The following CAMK2D variants were observed in gnomAD, a reference collection of about 807,000 sequenced individuals.
CAMK2D encodes the protein calcium/calmodulin dependent protein kinase II delta.
A neutral mutation model predicts 84.0 loss-of-function variants in CAMK2D; 37 were observed. The ratio of observed to expected loss-of-function variants is 0.44; its 90% CI spans 0.34 to 0.58. The LOEUF (loss-of-function observed/expected upper bound fraction) is 0.58, where lower values mean the gene tolerates loss of function less well. Ranked by LOEUF, CAMK2D falls within the 20% of genes least tolerant of loss-of-function variation. The pLI, the probability that CAMK2D is intolerant of heterozygous loss-of-function variation, is 0.02. For synonymous variants in CAMK2D, 202 were observed against 212.5 expected (o/e 0.95, Z 0.43); for missense variants, 448 against 652.5 (o/e 0.69, Z 3.41).
intron 4 of CAMK2D, among the ~76,000 whole-genome samples, chr4:113,603,504 G>A (rs913717703): frequency 2.0e-5 from 3 of 149,396 alleles, no homozygotes; most frequent in South Asian, 2.1e-4. Context: ...ACCAAACACC[G>A]CATATTCTCA....
intron 2 of CAMK2D, among the ~76,000 whole-genome samples, chr4:113,725,240 C>T (rs2099542460): frequency 6.6e-6 from 1 of 151,868 alleles, no homozygotes; most frequent in African/African-American, 2.4e-5. Context: ...ATGTATATAT[C>T]TTAGCAATTA....
chr4:113,502,444 T>A (rs1490483233), intron 15 of CAMK2D, among the ~76,000 whole-genome samples: 42 of 73,064 alleles, frequency 5.7e-4, no homozygotes, highest in South Asian at 7.8e-4. Context: ...AACAAGGAAT[T>A]AAGAAACCAA....
At chr4:113,464,182 A>G (rs184833935) in intron 17 of CAMK2D, among the ~76,000 whole-genome samples, 321 of 152,326 alleles carry the variant, frequency 2.1e-3, no homozygotes, top group Admixed American at 4.1e-3. Context: ...CTGACTTTAT[A>G]GGGAGAAGAG....
At position 113,454,490 on chromosome 4, in the gene CAMK2D, G is replaced by A; in HGVS notation, c.*55C>T. On this transcript the variant is annotated 3_prime_UTR_variant, in exon 21 of 21. Coordinates refer to ENST00000511664, the MANE Select transcript of CAMK2D (RefSeq NM_001321571.2). ...TCCAGGTGCCTTGAGAACAGAGAATGCAGAAGTGGCACTGTTGAAATTTAG... is the reference window on the plus strand; with the variant it reads ...TCCAGGTGCCTTGAGAACAGAGAATACAGAAGTGGCACTGTTGAAATTTAG... 2.6e-6 allele frequency: 2 copies of A among 778,980 alleles called. No homozygotes were observed. Among genetic ancestry groups the A allele is most frequent in the Admixed American group, 1.7e-5 (1 of 58,884 alleles). 48.3% of individuals were successfully genotyped at this position (778,980 alleles called of 1,614,324 possible).
At chr4:113,650,039 T>C (rs1371759784) in intron 3 of CAMK2D, among the ~76,000 whole-genome samples, 1 of 151,674 alleles carries the variant, frequency 6.6e-6, no homozygotes, top group African/African-American at 2.4e-5. Flanking sequence ...TGAGCCAAGA[T>C]CGTGCCACTG....
chr4:113,553,372 G>GT (rs755477363), intron 4 of CAMK2D, among the ~76,000 whole-genome samples: 2 of 152,148 alleles, frequency 1.3e-5, no homozygotes, highest in South Asian at 4.1e-4. Flanking sequence ...AAAGCATCAA[G>GT]TAAAGGTATA....
chr4:113,623,378 G>GTA lies in CAMK2D; in HGVS notation c.221-14174_221-14173dup, dbSNP rs200370476. Reference sequence around the variant, plus strand: ...GATGATCAATGATCTATCATGATGTGTATATACACACACACACACACACAC... The same window carrying GTA: ...GATGATCAATGATCTATCATGATGTGTATATATACACACACACACACACACAC... On this transcript the variant is annotated intron_variant, in intron 3 of 20. Coordinates refer to ENST00000511664, the MANE Select transcript of CAMK2D (RefSeq NM_001321571.2). Among the ~76,000 whole-genome samples the GTA allele has an allele frequency of 1.6e-4, 24 of 146,336 alleles. No individual in the cohort carries two copies. The South Asian group carries it at 1.9e-3, about 12-fold the overall frequency.
chr4:113,491,927 G>A (rs1484780733), intron 16 of CAMK2D, among the ~76,000 whole-genome samples: 24 of 152,174 alleles, frequency 1.6e-4, no homozygotes, highest in East Asian at 9.6e-4. Context: ...GTTTATTTGC[G>A]TAGAGCTGTT....
At chr4:113,737,886 A>G (rs908923772) in intron 2 of CAMK2D, among the ~76,000 whole-genome samples, 9 of 152,052 alleles carry the variant, frequency 5.9e-5, no homozygotes, top group Non-Finnish European at 1.3e-4. Flanking sequence ...GAAAGAGTGA[A>G]GAGCTCTCAT....
intron 3 of CAMK2D, among the ~76,000 whole-genome samples, chr4:113,613,345 G>A (rs1356375873): frequency 6.6e-6 from 1 of 152,046 alleles, no homozygotes; most frequent in Non-Finnish European, 1.5e-5. Context: ...AGAATACTAC[G>A]TGGGCTCCCT....
intron 2 of CAMK2D, among the ~76,000 whole-genome samples, chr4:113,667,181 A>G (rs2099260972): frequency 6.6e-6 from 1 of 152,132 alleles, no homozygotes; most frequent in African/African-American, 2.4e-5. Flanking sequence ...TGCTTATTAC[A>G]TTTTTTTAAA....
At chr4:113,726,175 T>C (rs1164130917) in intron 2 of CAMK2D, among the ~76,000 whole-genome samples, 2 of 152,170 alleles carry the variant, frequency 1.3e-5, no homozygotes, top group African/African-American at 4.8e-5. Flanking sequence ...GTACATATTA[T>C]ATTACTCCTC....
intron 3 of CAMK2D, among the ~76,000 whole-genome samples, chr4:113,640,244 G>A (rs562900851): frequency 3.9e-5 from 6 of 152,240 alleles, no homozygotes; most frequent in African/African-American, 7.2e-5. Flanking sequence ...AGTAGGAAAC[G>A]TGTCTGGAGA....
chr4:113,528,855 C>A (rs1022021045), intron 8 of CAMK2D, among the ~76,000 whole-genome samples: 1 of 152,038 alleles, frequency 6.6e-6, no homozygotes, highest in Non-Finnish European at 1.5e-5. Flanking sequence ...TCTGAGATAT[C>A]TTCCATTAAC....
intron 2 of CAMK2D, among the ~76,000 whole-genome samples, chr4:113,723,117 G>C (rs978981198): frequency 6.6e-6 from 1 of 150,540 alleles, no homozygotes; most frequent in East Asian, 2.0e-4. Flanking sequence ...AATTTTTTGA[G>C]TTTCAAAAAA....
chr4:113,553,842 G>A (rs531284201), intron 4 of CAMK2D, among the ~76,000 whole-genome samples: 15 of 152,226 alleles, frequency 9.9e-5, no homozygotes, highest in African/African-American at 3.4e-4. Context: ...AAATTACAAT[G>A]CAAAATAGTT....
chr4:113,643,295 AC>A (rs778391948), intron 3 of CAMK2D, among the ~76,000 whole-genome samples: 3 of 152,248 alleles, frequency 2.0e-5, no homozygotes, highest in African/African-American at 7.2e-5. Context: ...AAAAAGTCCA[AC>A]AAGGGCAGAA....
At chr4:113,723,180 CA>C (rs1173907613) in intron 2 of CAMK2D, among the ~76,000 whole-genome samples, 1 of 151,000 alleles carries the variant, frequency 6.6e-6, no homozygotes, top group Non-Finnish European at 1.5e-5. Flanking sequence ...TGTCTAAACA[CA>C]AGCTTACTGA....
intron 16 of CAMK2D, among the ~76,000 whole-genome samples, chr4:113,474,614 T>C (rs1208676873): frequency 2.0e-5 from 3 of 148,270 alleles, no homozygotes; most frequent in East Asian, 2.1e-4. Flanking sequence ...AAACGGAGCA[T>C]ATATCTTTCA....
Sources: gnomAD v4.1 joint callset for allele counts (sites outside exome capture counted in the v4.1 genomes callset) on GRCh38, gnomAD v4.1.1 for gene constraint, MANE v1.5 for transcripts, NCBI Gene and HGNC (gene_info 2026-07-23, HGNC 2026-07-21) for gene names.